Variants in MAGI1 observed in about 807,000 individuals in gnomAD.
MAGI1 encodes the protein membrane-associated guanylate kinase, WW and PDZ domain-containing protein 1.
A neutral mutation model predicts 139.9 loss-of-function variants in MAGI1; 58 were observed. The ratio of observed to expected loss-of-function variants is 0.41; its 90% CI spans 0.34 to 0.52. MAGI1 has a LOEUF of 0.52. Among genes scored for constraint, MAGI1 ranks in the 20% least tolerant of loss-of-function variants. The pLI, the probability that MAGI1 is intolerant of heterozygous loss-of-function variation, is 0.12. For synonymous variants in MAGI1, 812 were observed against 737.9 expected (o/e 1.10, Z -1.63); for missense variants, 1,874 against 1,901.6 (o/e 0.99, Z 0.27).
At chr3:65,627,904 TAA>T (rs766690730) in intron 1 of MAGI1, among the ~76,000 whole-genome samples, 84 of 152,332 alleles carry the variant, frequency 5.5e-4, no homozygotes, top group Non-Finnish European at 9.0e-4. Flanking sequence ...TACAGAATGT[TAA>T]GCATGTTTGA....
At chr3:65,520,107 C>G (rs551017559) in intron 2 of MAGI1, among the ~76,000 whole-genome samples, 1 of 152,226 alleles carries the variant, frequency 6.6e-6, no homozygotes, top group African/African-American at 2.4e-5. Flanking sequence ...AGTGGACTGG[C>G]TAGATCCCGT....
chr3:65,729,123 G>C (rs1442924416), intron 1 of MAGI1, among the ~76,000 whole-genome samples: 1 of 36,370 alleles, frequency 2.7e-5, no homozygotes, highest in Admixed American at 2.2e-4. Flanking sequence ...AATGGAACGG[G>C]GGGGGGGGGG....
intron 1 of MAGI1, among the ~76,000 whole-genome samples, chr3:65,861,913 C>T (rs1282988551): frequency 7.2e-5 from 11 of 152,186 alleles, no homozygotes; most frequent in East Asian, 3.9e-4. Flanking sequence ...TGCTAAATCA[C>T]GTCACGCATC....
intron 1 of MAGI1, among the ~76,000 whole-genome samples, chr3:65,753,614 G>T (rs575360773): frequency 6.6e-6 from 1 of 151,414 alleles, no homozygotes; most frequent in African/African-American, 2.4e-5. Context: ...CCAGCTACTC[G>T]GGAGGCTGAG....
intron 1 of MAGI1, among the ~76,000 whole-genome samples, chr3:65,732,790 C>T (rs777279723): frequency 2.6e-5 from 4 of 152,152 alleles, no homozygotes; most frequent in Non-Finnish European, 4.4e-5. Flanking sequence ...GGAGTTTGTA[C>T]TAACTCAAAG....
chr3:65,989,587 G>A (rs2066056802), intron 1 of MAGI1, among the ~76,000 whole-genome samples: 1 of 152,112 alleles, frequency 6.6e-6, no homozygotes. Context: ...ACCCAGGCTG[G>A]AGGGCAGTGG....
intron 1 of MAGI1, among the ~76,000 whole-genome samples, chr3:65,913,314 T>A (rs1287941608): frequency 9.9e-5 from 15 of 152,104 alleles, no homozygotes; most frequent in Admixed American, 5.2e-4. Context: ...GAAGTTCAAT[T>A]CTTTGAGAAC....
At chr3:65,530,397 T>C (rs911123597) in intron 2 of MAGI1, among the ~76,000 whole-genome samples, 5 of 151,924 alleles carry the variant, frequency 3.3e-5, no homozygotes, top group African/African-American at 7.3e-5. Context: ...GTGTATTGCT[T>C]GAGCCCAGGA....
intron 1 of MAGI1, among the ~76,000 whole-genome samples, chr3:66,028,417 A>C (rs1197584414): frequency 6.6e-6 from 1 of 152,142 alleles, no homozygotes; most frequent in Non-Finnish European, 1.5e-5. Flanking sequence ...GGGAGAACTG[A>C]TGTTCTGGGA....
intron 1 of MAGI1, among the ~76,000 whole-genome samples, chr3:65,684,866 T>TA (rs1559784740): frequency 7.2e-6 from 1 of 138,470 alleles, no homozygotes; most frequent in African/African-American, 2.9e-5. Context: ...CACACCTGGC[T>TA]AATTTTTTTT....
At chr3:65,696,500 G>T (rs1477834834) in intron 1 of MAGI1, among the ~76,000 whole-genome samples, 2 of 151,890 alleles carry the variant, frequency 1.3e-5, no homozygotes, top group Non-Finnish European at 2.9e-5. Flanking sequence ...TTAAATATTT[G>T]TTGAATGAAT....
At chr3:65,371,272 T>C (rs1941963918) in intron 18 of MAGI1, among the ~76,000 whole-genome samples, 1 of 152,178 alleles carries the variant, frequency 6.6e-6, no homozygotes. Flanking sequence ...ATCATGGCAA[T>C]AAAAAAGCAG....
At chr3:65,493,882 TAG>T (rs1553653438) in intron 2 of MAGI1, among the ~76,000 whole-genome samples, 1 of 152,126 alleles carries the variant, frequency 6.6e-6, no homozygotes, top group Non-Finnish European at 1.5e-5. Context: ...CTGGGTAACC[TAG>T]AGAGAGTTTT....
chr3:65,478,252 C>A (rs751778478), intron 4 of MAGI1, among the ~76,000 whole-genome samples: 7 of 150,864 alleles, frequency 4.6e-5, no homozygotes, highest in Non-Finnish European at 1.0e-4. Flanking sequence ...TGCAAGTTAC[C>A]CCCCCCAAAA....
intron 1 of MAGI1, among the ~76,000 whole-genome samples, chr3:66,033,389 G>A (rs909605349): frequency 2.6e-5 from 4 of 152,190 alleles, no homozygotes; most frequent in South Asian, 2.1e-4. Flanking sequence ...AAGTATACGC[G>A]TCTCTTCCCA....
chr3:65,586,289 C>A (rs1224752680), intron 2 of MAGI1, among the ~76,000 whole-genome samples: 2 of 151,330 alleles, frequency 1.3e-5, no homozygotes, highest in Non-Finnish European at 2.9e-5. Context: ...CCTTTATACA[C>A]TAGATTATCC....
chr3:65,879,999 G>A (rs577759900), intron 1 of MAGI1, among the ~76,000 whole-genome samples: 16 of 152,300 alleles, frequency 1.1e-4, no homozygotes, highest in Admixed American at 1.0e-3. Flanking sequence ...AGTGGCTCAC[G>A]CCTGTAATCC....
chr3:65,865,029 C>G (rs1425420657), intron 1 of MAGI1, among the ~76,000 whole-genome samples: 1 of 151,958 alleles, frequency 6.6e-6, no homozygotes, highest in African/African-American at 2.4e-5. Context: ...ATATAACACT[C>G]GGATAGACAC....
At chr3:65,448,745 G>T (rs1259688368) in intron 6 of MAGI1, among the ~76,000 whole-genome samples, 1 of 151,528 alleles carries the variant, frequency 6.6e-6, no homozygotes, top group Admixed American at 6.6e-5. Flanking sequence ...AAGTCAAGGA[G>T]CTCAGAAATA....
Sources: gnomAD v4.1 joint callset for allele counts (sites outside exome capture counted in the v4.1 genomes callset) on GRCh38, gnomAD v4.1.1 for gene constraint, MANE v1.5 for transcripts, NCBI Gene and HGNC (gene_info 2026-07-23, HGNC 2026-07-21) for gene names.